The following ST8SIA1 variants were observed in gnomAD, a reference collection of about 807,000 sequenced individuals.
The protein encoded by ST8SIA1 is ST8 alpha-N-acetyl-neuraminide alpha-2,8-sialyltransferase 1.
A neutral mutation model predicts 35.9 loss-of-function variants in ST8SIA1; 16 were observed. The ratio of observed to expected loss-of-function variants is 0.45; its 90% confidence interval spans 0.30 to 0.68. The LOEUF (loss-of-function observed/expected upper bound fraction) is 0.68. Among genes scored for constraint, ST8SIA1 ranks in the 30% least tolerant of loss-of-function variants. The probability of loss-of-function intolerance (pLI) is 0.09; values close to 1 mark genes in which losing one functional copy is unlikely to be tolerated. For missense variants in ST8SIA1, 383 were observed against 453.6 expected (o/e 0.84, Z 1.41); for synonymous variants, 170 against 169.6 (o/e 1.00, Z -0.02).
chr12:22,276,544 G>C (rs931933547), intron 2 of ST8SIA1, among the ~76,000 whole-genome samples: 1 of 152,112 alleles, frequency 6.6e-6, no homozygotes, highest in Non-Finnish European at 1.5e-5. Context: ...TGCCAAGGTG[G>C]CCAGATGGTT....
Position 22,197,865 on chromosome 12 carries a change from C to G in ST8SIA1, c.*3687G>C, listed in dbSNP as rs182324220. On this transcript the variant is annotated 3_prime_UTR_variant, in exon 5 of 5. Transcript: ENST00000396037. ...TGAAGACAGATAAAAGTGAACTATA[C>G]AGAAGCAAAATCCAGTGAGCACTTC... is the stretch of plus-strand genomic sequence containing the variant. The G allele has an allele frequency of 6.6e-6, 1 of 152,228 alleles. No homozygotes were observed. Among genetic ancestry groups the G allele is most frequent in the East Asian group, 1.9e-4 (1 of 5,170 alleles). 9.4% of individuals were successfully genotyped at this position (152,228 alleles called of 1,614,324 possible).
At chr12:22,270,817 G>A (rs2300737) in intron 2 of ST8SIA1, among the ~76,000 whole-genome samples, 37,439 of 152,110 alleles carry the variant, frequency 0.25, 4,779 homozygotes, top group African/African-American at 0.33. Flanking sequence ...AAATTTTAAA[G>A]ATAGGAACAA....
At chr12:22,227,413 A>C (rs1865371704) in intron 4 of ST8SIA1, among the ~76,000 whole-genome samples, 1 of 151,962 alleles carries the variant, frequency 6.6e-6, no homozygotes. Flanking sequence ...ATCTCTACTA[A>C]AAATACAAAA....
chr12:22,299,118 T>C (rs1866285083), intron 1 of ST8SIA1, among the ~76,000 whole-genome samples: 1 of 152,116 alleles, frequency 6.6e-6, no homozygotes, highest in South Asian at 2.1e-4. Context: ...GACAAACTTG[T>C]CATAATTTAG....
At chr12:22,312,890 A>C (rs1000305014) in intron 1 of ST8SIA1, among the ~76,000 whole-genome samples, 3 of 152,148 alleles carry the variant, frequency 2.0e-5, no homozygotes, top group Non-Finnish European at 4.4e-5. Flanking sequence ...CTTAGCAAAA[A>C]ACTTTCATTT....
At chr12:22,225,241 C>A (rs1286172299) in intron 4 of ST8SIA1, among the ~76,000 whole-genome samples, 1 of 152,056 alleles carries the variant, frequency 6.6e-6, no homozygotes, top group African/African-American at 2.4e-5. Flanking sequence ...GGTAGCAGCC[C>A]TAAGAAACTA....
At chr12:22,304,961 C>T (rs973270682) in intron 1 of ST8SIA1, among the ~76,000 whole-genome samples, 1 of 152,198 alleles carries the variant, frequency 6.6e-6, no homozygotes, top group Non-Finnish European at 1.5e-5. Flanking sequence ...GTAAATTTTG[C>T]TATCTGATTT....
intron 3 of ST8SIA1, among the ~76,000 whole-genome samples, chr12:22,252,558 A>C (rs1250471152): frequency 6.6e-6 from 1 of 152,242 alleles, no homozygotes; most frequent in African/African-American, 2.4e-5. Context: ...AGGCATACGC[A>C]TACATAGTTC....
intron 2 of ST8SIA1, among the ~76,000 whole-genome samples, chr12:22,258,995 G>C (rs1375600122): frequency 6.6e-6 from 1 of 152,134 alleles, no homozygotes; most frequent in Non-Finnish European, 1.5e-5. Context: ...CCTCACACAG[G>C]CTTTCATGAA....
intron 4 of ST8SIA1, among the ~76,000 whole-genome samples, chr12:22,210,529 C>T (rs1865165657): frequency 6.6e-6 from 1 of 152,154 alleles, no homozygotes; most frequent in African/African-American, 2.4e-5. Context: ...TCAATTCCAA[C>T]ACTATCTACC....
At chr12:22,223,500 A>T (rs893860583) in intron 4 of ST8SIA1, 57 of 999,348 alleles carry the variant, frequency 5.7e-5, no homozygotes, top group Non-Finnish European at 2.3e-5. Flanking sequence ...ATGCTGGCGC[A>T]GCCAATGTCA....
chr12:22,270,954 T>C (rs1404984849), intron 2 of ST8SIA1, among the ~76,000 whole-genome samples: 2 of 152,226 alleles, frequency 1.3e-5, no homozygotes, highest in Admixed American at 1.3e-4. Flanking sequence ...AAAAAGTTCA[T>C]TGTGCCTTTT....
chr12:22,262,578 C>T (rs1022957244), intron 2 of ST8SIA1, among the ~76,000 whole-genome samples: 2 of 152,164 alleles, frequency 1.3e-5, no homozygotes, highest in Non-Finnish European at 2.9e-5. Flanking sequence ...ATGAGTTAAC[C>T]ACCATAAATC....
chr12:22,271,266 A>T (rs932208240), intron 2 of ST8SIA1, among the ~76,000 whole-genome samples: 10 of 152,222 alleles, frequency 6.6e-5, no homozygotes, highest in African/African-American at 2.4e-4. Flanking sequence ...CACAGGAAGC[A>T]CTGGCAACAG....
intron 2 of ST8SIA1, among the ~76,000 whole-genome samples, chr12:22,269,805 C>T (rs1669240954): frequency 6.6e-6 from 1 of 152,156 alleles, no homozygotes; most frequent in Non-Finnish European, 1.5e-5. Context: ...AACAAGTTCA[C>T]CATCACTAAC....
Position 22,260,247 on chromosome 12 carries a change from G to C in ST8SIA1, c.382-4858C>G, listed in dbSNP as rs1049832748. ...TGCCATCACGGCTCACTGCAGCCTT[G>C]ATCTCCCAGGCCCAAGCAATCCTCC... On this transcript the variant is annotated intron_variant, in intron 2 of 4. Coordinates refer to ENST00000396037, the MANE Select transcript of ST8SIA1 (RefSeq NM_003034.4). Among the ~76,000 whole-genome samples, 5 of 150,362 alleles carry C rather than the reference G, an allele frequency of 3.3e-5. No homozygotes were observed. The East Asian group carries it at 7.9e-4, about 24-fold the overall frequency.
rs374807925 is a variant in ST8SIA1, at chr12:22,312,099, G to A, written c.236+21898C>T. Among the ~76,000 whole-genome samples, 5 of 152,004 alleles carry A rather than the reference G, an allele frequency of 3.3e-5. No homozygotes were observed. In the East Asian group the frequency reaches 7.7e-4, roughly 23 times the overall value. On this transcript the variant is annotated intron_variant, in intron 1 of 4. Coordinates refer to ENST00000396037, the MANE Select transcript of ST8SIA1 (RefSeq NM_003034.4). Reference sequence around the variant, plus strand: ...TGTTCCCCATAAATTCTAGTGTGTTGCCCCAAAGGTAGAGGGTTAACATTA... The same window carrying A: ...TGTTCCCCATAAATTCTAGTGTGTTACCCCAAAGGTAGAGGGTTAACATTA...
intron 4 of ST8SIA1, among the ~76,000 whole-genome samples, chr12:22,228,748 C>T (rs1377468055): frequency 2.6e-5 from 4 of 151,962 alleles, no homozygotes; most frequent in Non-Finnish European, 1.5e-5. Context: ...GATGATGACC[C>T]GAGATTCCAT....
chr12:22,215,609 G>C (rs1420109483), intron 4 of ST8SIA1, among the ~76,000 whole-genome samples: 1 of 152,084 alleles, frequency 6.6e-6, no homozygotes, highest in African/African-American at 2.4e-5. Context: ...AGATCTGTGG[G>C]AAGCATCTCA....
Sources: allele counts gnomAD v4.1 joint callset (sites outside exome capture counted in the v4.1 genomes callset), GRCh38; gene constraint gnomAD v4.1.1; transcripts MANE v1.5; gene names NCBI Gene and HGNC (gene_info 2026-07-23, HGNC 2026-07-21).